The following WWOX variants were observed in gnomAD, a reference collection of about 807,000 sequenced individuals.
WWOX encodes WW domain-containing oxidoreductase.
A neutral mutation model predicts 46.2 loss-of-function variants in WWOX; 69 were observed. That is an observed-to-expected ratio of 1.49 (90% CI 1.23 to 1.82). WWOX has a LOEUF of 1.82. Among genes scored for constraint, WWOX ranks in the 40% most tolerant of loss-of-function variants. The pLI, the probability that WWOX is intolerant of heterozygous loss-of-function variation, is 0.00. For missense variants in WWOX, 919 were observed against 542.6 expected (o/e 1.69, Z -6.89); for synonymous variants, 359 against 202.6 (o/e 1.77, Z -6.56).
chr16:78,196,439 C>A (rs987985291), intron 5 of WWOX, among the ~76,000 whole-genome samples: 5 of 152,272 alleles, frequency 3.3e-5, no homozygotes, highest in African/African-American at 1.2e-4. Flanking sequence ...AAAGAGAAAT[C>A]TGAGCTGCTT....
At chr16:79,037,978 A>G (rs1183778065) in intron 8 of WWOX, among the ~76,000 whole-genome samples, 1 of 152,034 alleles carries the variant, frequency 6.6e-6, no homozygotes, top group Non-Finnish European at 1.5e-5. Context: ...CTACATAACC[A>G]GAAAAAGCTC....
chr16:78,734,330 C>G (rs993672303), intron 8 of WWOX, among the ~76,000 whole-genome samples: 1 of 152,072 alleles, frequency 6.6e-6, no homozygotes, highest in African/African-American at 2.4e-5. Flanking sequence ...CAGATATAAG[C>G]TTAGGAGTCC....
intron 8 of WWOX, among the ~76,000 whole-genome samples, chr16:78,992,027 C>T (rs1387029204): frequency 1.3e-5 from 2 of 152,208 alleles, no homozygotes; most frequent in Non-Finnish European, 2.9e-5. Context: ...TCCCTCTCCC[C>T]ACTTTCAGGC....
At chr16:78,512,308 A>T (rs1486138452) in intron 8 of WWOX, among the ~76,000 whole-genome samples, 2 of 152,192 alleles carry the variant, frequency 1.3e-5, no homozygotes, top group Non-Finnish European at 2.9e-5. Flanking sequence ...ACTCTTATGG[A>T]TTGTTCATGC....
At chr16:78,923,947 C>T (rs905709580) in intron 8 of WWOX, among the ~76,000 whole-genome samples, 1 of 151,750 alleles carries the variant, frequency 6.6e-6, no homozygotes, top group African/African-American at 2.4e-5. Flanking sequence ...GTACAGGTGC[C>T]CGCCACCACG....
intron 5 of WWOX, among the ~76,000 whole-genome samples, chr16:78,244,304 T>C (rs1359559438): frequency 1.3e-5 from 2 of 152,254 alleles, no homozygotes; most frequent in Non-Finnish European, 2.9e-5. Flanking sequence ...TGTTTAATGT[T>C]AGGGATCATA....
intron 5 of WWOX, among the ~76,000 whole-genome samples, chr16:78,366,664 C>A (rs551233715): frequency 2.0e-5 from 3 of 152,148 alleles, no homozygotes; most frequent in Non-Finnish European, 4.4e-5. Flanking sequence ...GCCACTTTTG[C>A]TTTCATGCTA....
At chr16:78,773,158 C>T (rs375213326) in intron 8 of WWOX, among the ~76,000 whole-genome samples, 40 of 152,290 alleles carry the variant, frequency 2.6e-4, no homozygotes, top group East Asian at 1.7e-3. Context: ...ACGATTTTGT[C>T]GGTATCCTAA....
chr16:78,912,598 C>T (rs185498627), intron 8 of WWOX, among the ~76,000 whole-genome samples: 2 of 152,036 alleles, frequency 1.3e-5, no homozygotes, highest in Non-Finnish European at 2.9e-5. Context: ...TTTAGTGTGG[C>T]AGTCAGGGGA....
At chr16:79,042,712 C>T (rs1380600865) in intron 8 of WWOX, among the ~76,000 whole-genome samples, 1 of 144,058 alleles carries the variant, frequency 6.9e-6, no homozygotes, top group Non-Finnish European at 1.5e-5. Flanking sequence ...TGTGGGAAGA[C>T]AGATGAATAC....
At chr16:78,259,604 C>T (rs924956141) in intron 5 of WWOX, among the ~76,000 whole-genome samples, 5 of 151,600 alleles carry the variant, frequency 3.3e-5, no homozygotes, top group Non-Finnish European at 5.9e-5. Flanking sequence ...AGGCATGAGC[C>T]ACCATGTTCG....
intron 8 of WWOX, among the ~76,000 whole-genome samples, chr16:78,729,836 A>C (rs73571649): frequency 0.016 from 2,440 of 152,310 alleles, 92 homozygotes; most frequent in African/African-American, 0.055. Context: ...CCTGCTATGC[A>C]GTGCTTTCTT....
At chr16:78,507,077 C>T (rs1200587803) in intron 8 of WWOX, among the ~76,000 whole-genome samples, 1 of 152,188 alleles carries the variant, frequency 6.6e-6, no homozygotes, top group Admixed American at 6.5e-5. Flanking sequence ...ATCTTTCTAG[C>T]AGGAGCAACA....
intron 8 of WWOX, among the ~76,000 whole-genome samples, chr16:78,970,852 A>C (rs2151322900): frequency 6.6e-6 from 1 of 152,264 alleles, no homozygotes; most frequent in East Asian, 1.9e-4. Flanking sequence ...TGATGGCTTC[A>C]GGCACGGCTG....
At chr16:78,968,514 C>T (rs913004389) in intron 8 of WWOX, among the ~76,000 whole-genome samples, 1 of 152,190 alleles carries the variant, frequency 6.6e-6, no homozygotes, top group Admixed American at 6.5e-5. Context: ...TGTTAACCAT[C>T]ACAAGCAACG....
intron 8 of WWOX, among the ~76,000 whole-genome samples, chr16:78,763,334 C>T (rs1297791603): frequency 1.3e-5 from 2 of 152,198 alleles, no homozygotes; most frequent in African/African-American, 2.4e-5. Context: ...ATTTCTTCTT[C>T]GACCCTCACA....
chr16:78,835,396 C>A (rs920217402), intron 8 of WWOX, among the ~76,000 whole-genome samples: 2 of 152,108 alleles, frequency 1.3e-5, no homozygotes, highest in East Asian at 3.9e-4. Flanking sequence ...TTAAAGGGGC[C>A]AGCAACAAAA....
At chr16:78,735,784 G>T (rs2049077627) in intron 8 of WWOX, among the ~76,000 whole-genome samples, 1 of 151,948 alleles carries the variant, frequency 6.6e-6, no homozygotes, top group African/African-American at 2.4e-5. Context: ...CCTGCCCCCT[G>T]CCTTGCTTTA....
At chr16:78,814,767 T>TA (rs1407155517) in intron 8 of WWOX, among the ~76,000 whole-genome samples, 1 of 152,190 alleles carries the variant, frequency 6.6e-6, no homozygotes, top group East Asian at 1.9e-4. Context: ...TATAAGACAT[T>TA]ACAGCCAAGG....
Sources: gnomAD v4.1 joint callset for allele counts (sites outside exome capture counted in the v4.1 genomes callset) on GRCh38, gnomAD v4.1.1 for gene constraint, MANE v1.5 for transcripts, NCBI Gene and HGNC (gene_info 2026-07-23, HGNC 2026-07-21) for gene names.